The following L3MBTL4 variants were observed in gnomAD, a reference collection of about 807,000 sequenced individuals.
L3MBTL4 encodes lethal(3)malignant brain tumor-like protein 4.
Under a neutral mutation model 84.5 loss-of-function variants are expected in L3MBTL4, and 70 were observed. The observed-to-expected ratio is 0.83, with a 90% CI of 0.68 to 1.01. The LOEUF is 1.01. L3MBTL4 is among the 50% of genes least tolerant of loss of function. L3MBTL4 has a pLI of 0.00. For synonymous variants in L3MBTL4, 274 were observed against 259.8 expected, an observed-to-expected ratio of 1.05 and a Z score of -0.52; for missense variants, 715 against 754.8, an observed-to-expected ratio of 0.95 and a Z score of 0.62.
intron 12 of L3MBTL4, among the ~76,000 whole-genome samples, chr18:6,209,709 A>G (rs985303884): frequency 2.0e-5 from 3 of 152,228 alleles, no homozygotes; most frequent in African/African-American, 7.2e-5. Context: ...TTATCCCAGC[A>G]ATAATCAAAA....
intron 14 of L3MBTL4, among the ~76,000 whole-genome samples, chr18:6,118,540 C>T (rs1051709241): frequency 2.0e-5 from 3 of 152,106 alleles, no homozygotes; most frequent in African/African-American, 7.2e-5. Context: ...TCAATACATG[C>T]TTGTTCAGTG....
At chr18:6,270,450 C>A (rs970356499) in intron 4 of L3MBTL4, among the ~76,000 whole-genome samples, 1 of 152,154 alleles carries the variant, frequency 6.6e-6, no homozygotes, top group African/African-American at 2.4e-5. Flanking sequence ...TAAACATCAC[C>A]CATAACCTGA....
At chr18:6,267,782 A>G (rs1295070214) in intron 4 of L3MBTL4, among the ~76,000 whole-genome samples, 1 of 152,226 alleles carries the variant, frequency 6.6e-6, no homozygotes. Context: ...AATACATAAT[A>G]TCAAGCAATA....
chr18:6,360,395 A>T (rs566812056), intron 1 of L3MBTL4, among the ~76,000 whole-genome samples: 10 of 152,344 alleles, frequency 6.6e-5, no homozygotes, highest in Non-Finnish European at 1.2e-4. Context: ...AAATAAAGCC[A>T]GATGAGACAG....
At chr18:6,181,519 G>A (rs942075285) in intron 12 of L3MBTL4, among the ~76,000 whole-genome samples, 2 of 151,738 alleles carry the variant, frequency 1.3e-5, no homozygotes, top group Non-Finnish European at 2.9e-5. Context: ...TAGTAGAGTG[G>A]GGGTTTCAAC....
intron 16 of L3MBTL4, among the ~76,000 whole-genome samples, chr18:5,993,507 A>G (rs890420915): frequency 2.0e-5 from 3 of 152,202 alleles, no homozygotes; most frequent in African/African-American, 7.2e-5. Context: ...CTGAACTAAA[A>G]TATGATGAGC....
intron 12 of L3MBTL4, among the ~76,000 whole-genome samples, chr18:6,194,048 T>C (rs1440286960): frequency 2.0e-5 from 3 of 152,082 alleles, no homozygotes; most frequent in East Asian, 1.9e-4. Flanking sequence ...CTTTCCAAAA[T>C]GAATTCAAGG....
intron 16 of L3MBTL4, among the ~76,000 whole-genome samples, chr18:6,033,024 G>A (rs634212): frequency 3.3e-5 from 5 of 151,996 alleles, no homozygotes; most frequent in African/African-American, 4.8e-5. Context: ...TGTATGTATC[G>A]GTTAGATAGC....
chr18:6,203,333 T>C (rs2045728473), intron 12 of L3MBTL4, among the ~76,000 whole-genome samples: 1 of 152,238 alleles, frequency 6.6e-6, no homozygotes, highest in Admixed American at 6.5e-5. Context: ...CCCAGCTCTC[T>C]AACATAGAGC....
In L3MBTL4 at chr18:5,988,368, G is replaced by T. The variant is rs562940655; in HGVS notation, c.1445-18806C>A. On this transcript the variant is annotated intron_variant, in intron 16 of 18. Coordinates refer to ENST00000317931, the MANE Select transcript of L3MBTL4 (RefSeq NM_001330559.2). The stretch of plus-strand genomic sequence containing the variant: ...AAAAACAATTCTACGATTGTTGGAG[G>T]GGCCCTGTATGATATATTCAGATCT... 5.3e-5 allele frequency among the ~76,000 whole-genome samples: 8 copies of T among 152,184 alleles called. No individual in the cohort carries two copies. The South Asian group carries it at 1.7e-3, about 32-fold the overall frequency.
intron 1 of L3MBTL4, among the ~76,000 whole-genome samples, chr18:6,412,719 C>T (rs577994846): frequency 8.9e-4 from 135 of 152,226 alleles, no homozygotes; most frequent in African/African-American, 3.2e-3. Context: ...CATGCACTTA[C>T]CCACGTGCCA....
chr18:6,000,966 G>A (rs2212523), intron 16 of L3MBTL4, among the ~76,000 whole-genome samples: 19,028 of 152,160 alleles, frequency 0.13, 1,461 homozygotes, highest in Admixed American at 0.22. Flanking sequence ...TGCAGCTTCC[G>A]GAGGTCAGCT....
At chr18:6,346,948 C>T (rs1406369803) in intron 1 of L3MBTL4, among the ~76,000 whole-genome samples, 1 of 151,966 alleles carries the variant, frequency 6.6e-6, no homozygotes, top group Non-Finnish European at 1.5e-5. Context: ...ACAGTTGAAG[C>T]GATAAAGAAA....
chr18:6,325,810 G>T (rs1457425772), intron 1 of L3MBTL4, among the ~76,000 whole-genome samples: 2 of 152,120 alleles, frequency 1.3e-5, no homozygotes, highest in Non-Finnish European at 2.9e-5. Flanking sequence ...CCTTTGAAAT[G>T]GTGTACCCTA....
chr18:6,160,132 C>T (rs1043373769), intron 13 of L3MBTL4, among the ~76,000 whole-genome samples: 1 of 152,246 alleles, frequency 6.6e-6, no homozygotes, highest in African/African-American at 2.4e-5. Flanking sequence ...CAAGTGTTTC[C>T]GGACATGAGC....
chr18:6,042,097 C>A (rs1439400024), intron 16 of L3MBTL4, among the ~76,000 whole-genome samples: 1 of 152,110 alleles, frequency 6.6e-6, no homozygotes, highest in Non-Finnish European at 1.5e-5. Flanking sequence ...CCTCCCCAAG[C>A]CCTCCCCACA....
At chr18:6,093,666 A>G (rs1466456113) in intron 14 of L3MBTL4, 138 bp from the exon 15 acceptor site, 3 of 653,542 alleles carry the variant, frequency 4.6e-6, no homozygotes, top group South Asian at 4.1e-5. Flanking sequence ...CACTCAAATA[A>G]TAGTTTCTTT....
intron 1 of L3MBTL4, among the ~76,000 whole-genome samples, chr18:6,329,254 C>A (rs993113478): frequency 6.7e-6 from 1 of 149,744 alleles, no homozygotes; most frequent in Non-Finnish European, 1.5e-5. Flanking sequence ...CCTGGGTTCA[C>A]GCCATTCTCC....
chr18:5,962,640 C>T (rs1217545083), intron 17 of L3MBTL4, among the ~76,000 whole-genome samples: 1 of 152,186 alleles, frequency 6.6e-6, no homozygotes, highest in Non-Finnish European at 1.5e-5. Flanking sequence ...TGGGTCCAAG[C>T]ACTGGGTAGA....
Sources: gnomAD v4.1 joint callset for allele counts (sites outside exome capture counted in the v4.1 genomes callset) on GRCh38, gnomAD v4.1.1 for gene constraint, MANE v1.5 for transcripts, NCBI Gene and HGNC (gene_info 2026-07-23, HGNC 2026-07-21) for gene names.